PXT1: variants seen among roughly 807,000 people sequenced by gnomAD.
PXT1 encodes the protein peroxisomal testis-specific protein 1.
A neutral mutation model predicts 11.0 loss-of-function variants in PXT1; 11 were observed. The observed-to-expected ratio is 1.00, with a 90% CI of 0.63 to 1.66. The LOEUF is 1.66. Ranked by LOEUF, PXT1 falls within the 40% of genes most tolerant of loss-of-function variation. The probability of loss-of-function intolerance (pLI) is 0.00; values close to 1 mark genes in which losing one functional copy is unlikely to be tolerated. For synonymous variants in PXT1, 43 were observed against 51.4 expected (o/e 0.84, Z 0.70); for missense variants, 141 against 155.5 (o/e 0.91, Z 0.49).
At position 36,426,103 on chromosome 6, in the gene PXT1, CAT is replaced by C. The variant is rs1774602833; in HGVS notation, c.-9-14_-9-13del. 12 of 1,472,812 alleles carry C rather than the reference CAT, an allele frequency of 8.1e-6. No homozygotes were observed. The highest frequency in any genetic ancestry group is 7.1e-5 in the African/African-American group (5 of 70,494). 91.2% of individuals were successfully genotyped at this position (1,472,812 alleles called of 1,614,324 possible). A position where few individuals can be genotyped will look rare whatever the true frequency, so the allele number is the denominator to read the frequency against. ...TTCATGTTTTTTCCCTGTTGAAAAA[CAT>C]ATTTTCAGAGGCTTTCCCCCATTTC... On this transcript the variant is annotated splice_polypyrimidine_tract_variant and intron_variant, in intron 2 of 4. Transcript: ENST00000454782.
At chr6:36,399,464 CAT>C (rs1248188371) in intron 4 of PXT1, among the ~76,000 whole-genome samples, 1 of 152,052 alleles carries the variant, frequency 6.6e-6, no homozygotes, top group Non-Finnish European at 1.5e-5. Context: ...GCTTTTATAG[CAT>C]TATTGTTGGG....
At position 36,426,092 on chromosome 6, in the gene PXT1, C is replaced by T. The variant is rs1444900041; in HGVS notation, c.-9-1G>A. ...CATGTTTTTTCTTCATGTTTTTTCC[C>T]TGTTGAAAAACATATTTTCAGAGGC... is the stretch of plus-strand genomic sequence containing the variant. On this transcript the variant is annotated splice_acceptor_variant, in intron 2 of 4. Transcript: ENST00000454782. LOFTEE classifies it low-confidence loss of function (5UTR_SPLICE). 4 of 1,496,186 alleles carry T rather than the reference C, an allele frequency of 2.7e-6. No individual in the cohort carries two copies. Among genetic ancestry groups the T allele is most frequent in the Admixed American group, 2.2e-5 (1 of 44,534 alleles). The allele number at this position is 1,496,186 out of a possible 1,614,324, so 92.7% of individuals were successfully genotyped here. A position where few individuals can be genotyped will look rare whatever the true frequency, so the allele number is the denominator to read the frequency against.
Position 36,438,894 on chromosome 6 carries a change from T to C in PXT1, c.-129-8A>G, listed in dbSNP as rs1774812649. 6.6e-6 allele frequency: 1 copy of C among 152,228 alleles called. No homozygotes were observed. The highest frequency in any genetic ancestry group is 1.5e-5 in the Non-Finnish European group (1 of 68,036). 9.4% of individuals were successfully genotyped at this position (152,228 alleles called of 1,614,324 possible). On this transcript the variant is annotated splice_region_variant and splice_polypyrimidine_tract_variant and intron_variant, in intron 1 of 4. Coordinates refer to ENST00000454782, the MANE Select transcript of PXT1 (RefSeq NM_152990.4). ...CCATTTGTTGGAGGTTCTCTGTTTT[T>C]AAAGAGAGGGGGATGAAAAGTAAAT...
intron 3 of PXT1, among the ~76,000 whole-genome samples, chr6:36,408,035 C>T (rs1774315208): frequency 6.7e-6 from 1 of 149,524 alleles, no homozygotes; most frequent in Non-Finnish European, 1.5e-5. Context: ...GATCTTGGCT[C>T]ACCGCAACCT....
Position 36,420,896 on chromosome 6 carries a change from T to C in PXT1, c.169+5018A>G, listed in dbSNP as rs917589626. Among the ~76,000 whole-genome samples the C allele has an allele frequency of 2.0e-4, 31 of 151,616 alleles. 1 individual carries two copies. Among genetic ancestry groups the C allele is most frequent in the Admixed American group, 6.6e-4 (10 of 15,222 alleles). On this transcript the variant is annotated intron_variant, in intron 3 of 4. Transcript: ENST00000454782. ...GGTGAAACCCCATCCCTACTAAAAA[T>C]ACAAAAAAATTAGCCGGGCATGGTG...
At position 36,404,302 on chromosome 6, in the gene PXT1, T is replaced by C. The variant is rs996772360; in HGVS notation, c.170-3718A>G. On this transcript the variant is annotated intron_variant, in intron 3 of 4. Transcript: ENST00000454782. ...CAACCACGGATCACGTATACAATGG[T>C]GGTCTCATAAGATTACAATAAAGCT... is the stretch of plus-strand genomic sequence containing the variant. 2.0e-5 allele frequency among the ~76,000 whole-genome samples: 3 copies of C among 152,342 alleles called. No homozygotes were observed. The East Asian group carries it at 5.8e-4, about 29-fold the overall frequency.
chr6:36,398,961 T>C (rs1774178687), intron 4 of PXT1, among the ~76,000 whole-genome samples: 1 of 152,180 alleles, frequency 6.6e-6, no homozygotes, highest in Non-Finnish European at 1.5e-5. Flanking sequence ...CTATGAGCCC[T>C]GCTGCTCACT....
intron 3 of PXT1, among the ~76,000 whole-genome samples, chr6:36,422,436 A>C (rs1774535217): frequency 6.6e-6 from 1 of 152,212 alleles, no homozygotes; most frequent in Admixed American, 6.5e-5. Context: ...TGCTAGGTCA[A>C]ATCCCCCATT....
intron 1 of PXT1, among the ~76,000 whole-genome samples, chr6:36,441,111 GAAAAAA>G (rs970159726): frequency 1.4e-5 from 1 of 71,232 alleles, no homozygotes; most frequent in Non-Finnish European, 2.8e-5. Flanking sequence ...TCCACAAAAA[GAAAAAA>G]AAAAAAAAAA....
chr6:36,395,091 C>T (rs1774124657), intron 4 of PXT1, among the ~76,000 whole-genome samples: 1 of 152,150 alleles, frequency 6.6e-6, no homozygotes, highest in African/African-American at 2.4e-5. Flanking sequence ...TCCCAACGTG[C>T]TGGGATTACA....
intron 3 of PXT1, among the ~76,000 whole-genome samples, chr6:36,411,055 T>C (rs1292380311): frequency 6.6e-6 from 1 of 152,250 alleles, no homozygotes; most frequent in Non-Finnish European, 1.5e-5. Context: ...ATGTGTCTTA[T>C]AATCTCATAA....
At position 36,393,235 on chromosome 6, in the gene PXT1, G is replaced by T. The variant is rs541856660; in HGVS notation, c.301-1361C>A. On this transcript the variant is annotated intron_variant, in intron 4 of 4. Transcript: ENST00000454782. The stretch of plus-strand genomic sequence containing the variant: ...AGTGATCCGGCCTCCCAAAGTGCCG[G>T]GATTACAGGCGTGAGCCACTACGCC... 4.6e-5 allele frequency among the ~76,000 whole-genome samples: 7 copies of T among 152,194 alleles called. 1 individual carries two copies. In the East Asian group the frequency reaches 9.7e-4, roughly 21 times the overall value.
chr6:36,400,365 C>G, intron 4 of PXT1, 89 bp downstream of exon 4: 1 of 1,442,192 alleles, frequency 6.9e-7, no homozygotes, highest in Non-Finnish European at 9.6e-7. Context: ...TCTGATAATT[C>G]CTGGGCATCT....
chr6:36,399,661 G>C (rs769140921), intron 4 of PXT1, among the ~76,000 whole-genome samples: 8 of 152,120 alleles, frequency 5.3e-5, no homozygotes, highest in Non-Finnish European at 1.2e-4. Context: ...GCAAGAAGTT[G>C]GGCTCTGAGA....
At chr6:36,402,617 A>C (rs58153398) in intron 3 of PXT1, among the ~76,000 whole-genome samples, 38,966 of 152,136 alleles carry the variant, frequency 0.26, 5,040 homozygotes, top group East Asian at 0.39. Flanking sequence ...GAAGACACAG[A>C]CTGGGGAAGA....
At chr6:36,428,305 C>A (rs755549067) in intron 2 of PXT1, among the ~76,000 whole-genome samples, 2 of 151,698 alleles carry the variant, frequency 1.3e-5, no homozygotes, top group Non-Finnish European at 2.9e-5. Flanking sequence ...ATTAGCCAGG[C>A]GTGATGGCAC....
At chr6:36,433,370 A>G (rs1774719405) in intron 2 of PXT1, among the ~76,000 whole-genome samples, 1 of 152,156 alleles carries the variant, frequency 6.6e-6, no homozygotes. Flanking sequence ...GATAAAGACA[A>G]AAAAAGTGCT....
chr6:36,392,727 G>C (rs180957813), intron 4 of PXT1, among the ~76,000 whole-genome samples: 180 of 152,252 alleles, frequency 1.2e-3, no homozygotes, highest in Non-Finnish European at 2.0e-3. Flanking sequence ...TGAATATTAA[G>C]TATTTTGGAG....
At chr6:36,428,759 TG>T (rs200867487) in intron 2 of PXT1, among the ~76,000 whole-genome samples, 8,864 of 146,896 alleles carry the variant, frequency 0.06, 438 homozygotes, top group African/African-American at 0.14. Flanking sequence ...TTTTTTTTTT[TG>T]AGACGGAGTC....
Sources: allele counts gnomAD v4.1 joint callset (sites outside exome capture counted in the v4.1 genomes callset), GRCh38; gene constraint gnomAD v4.1.1; transcripts MANE v1.5; gene names NCBI Gene and HGNC (gene_info 2026-07-23, HGNC 2026-07-21).